The following CHRM3 variants were observed in gnomAD, a reference collection of about 807,000 sequenced individuals.
CHRM3 encodes muscarinic acetylcholine receptor M3.
In CHRM3, 11 loss-of-function variants were observed where a neutral mutation model predicts 41.8. That is an observed-to-expected ratio of 0.26 (90% CI 0.17 to 0.44). The LOEUF (loss-of-function observed/expected upper bound fraction) is 0.44, where lower values mean the gene tolerates loss of function less well. CHRM3 is among the 20% of genes least tolerant of loss of function. The pLI, the probability that CHRM3 is intolerant of heterozygous loss-of-function variation, is 1.00. For missense variants in CHRM3, 571 were observed against 745.4 expected (o/e 0.77, Z 2.72); for synonymous variants, 297 against 301.4 (o/e 0.99, Z 0.15).
rs1013215133 is a variant in CHRM3 at position 239,811,986 on chromosome 1, T to A, written c.-146-15266T>A. On this transcript the variant is annotated intron_variant, in intron 5 of 6. Coordinates refer to ENST00000676153, the MANE Select transcript of CHRM3 (RefSeq NM_001375978.1). ...AAGTCAGTGTTTAATTCATATCGATTTATGAGTTTATTCATTTGTTTAATA... is the reference window on the plus strand; with the variant it reads ...AAGTCAGTGTTTAATTCATATCGATATATGAGTTTATTCATTTGTTTAATA... Among the ~76,000 whole-genome samples, 2 of 152,212 alleles carry A rather than the reference T, an allele frequency of 1.3e-5. 1 individual carries two copies. Among genetic ancestry groups the A allele is most frequent in the East Asian group, 3.8e-4 (2 of 5,196 alleles).
At chr1:239,427,901 G>A (rs368385401) in intron 1 of CHRM3, among the ~76,000 whole-genome samples, 1 of 152,156 alleles carries the variant, frequency 6.6e-6, no homozygotes, top group Admixed American at 6.5e-5. Flanking sequence ...AGAGTCCAAA[G>A]AATTCCCAGC....
At chr1:239,567,675 T>G (rs1357421621) in intron 3 of CHRM3, among the ~76,000 whole-genome samples, 1 of 152,038 alleles carries the variant, frequency 6.6e-6, no homozygotes, top group East Asian at 1.9e-4. Flanking sequence ...TGTGTGAAGG[T>G]GAGTGTGTGG....
At chr1:239,603,418 C>T (rs536867120) in intron 3 of CHRM3, among the ~76,000 whole-genome samples, 3 of 152,216 alleles carry the variant, frequency 2.0e-5, no homozygotes, top group South Asian at 2.1e-4. Context: ...GGCAAGGTCA[C>T]GGATTCTGTG....
chr1:239,709,866 TA>T (rs1553370470), intron 5 of CHRM3, among the ~76,000 whole-genome samples: 2 of 152,204 alleles, frequency 1.3e-5, no homozygotes, highest in Admixed American at 6.5e-5. Flanking sequence ...TCAAGTGTTT[TA>T]AAAAAATTAA....
At position 239,910,374 on chromosome 1, in the gene CHRM3, G is replaced by A. The variant is rs1245688784; in HGVS notation, c.*1150G>A. The A allele has an allele frequency of 6.1e-6, 1 of 164,046 alleles. No homozygotes were observed. Among genetic ancestry groups the A allele is most frequent in the Non-Finnish European group, 1.5e-5 (1 of 67,580 alleles). 10.2% of individuals were successfully genotyped at this position (164,046 alleles called of 1,614,324 possible). A position where few individuals can be genotyped will look rare whatever the true frequency, so the allele number is the denominator to read the frequency against. ...AAAAACATGGTAAGAGAGAATGAAG[G>A]AGAACATTGTGTTTGATTCTTGCTG... On this transcript the variant is annotated 3_prime_UTR_variant, in exon 7 of 7. Transcript: ENST00000676153.
At chr1:239,676,432 T>G (rs1658011094) in intron 4 of CHRM3, among the ~76,000 whole-genome samples, 2 of 152,196 alleles carry the variant, frequency 1.3e-5, no homozygotes, top group Admixed American at 6.5e-5. Context: ...GTCTGCCCCA[T>G]GCTTGCATTT....
intron 5 of CHRM3, among the ~76,000 whole-genome samples, chr1:239,687,753 G>A (rs542062745): frequency 6.6e-6 from 1 of 152,164 alleles, no homozygotes; most frequent in East Asian, 1.9e-4. Context: ...TGTTTAGATA[G>A]CACAAATACC....
intron 2 of CHRM3, among the ~76,000 whole-genome samples, chr1:239,500,708 CACAA>C (rs1384374542): frequency 2.1e-5 from 3 of 142,476 alleles, no homozygotes; most frequent in Non-Finnish European, 4.7e-5. Context: ...GAAAAAAAAA[CACAA>C]ACAACAACAA....
intron 6 of CHRM3, among the ~76,000 whole-genome samples, chr1:239,857,014 T>C (rs561975754): frequency 2.6e-5 from 4 of 152,316 alleles, no homozygotes; most frequent in Non-Finnish European, 5.9e-5. Flanking sequence ...AGATGGCCAG[T>C]GAATACTTGT....
intron 1 of CHRM3, among the ~76,000 whole-genome samples, chr1:239,453,464 A>T (rs1664705699): frequency 6.6e-6 from 1 of 152,190 alleles, no homozygotes; most frequent in African/African-American, 2.4e-5. Context: ...ATGTCTATGA[A>T]AACATCTATG....
At chr1:239,502,005 A>G (rs1054229413) in intron 2 of CHRM3, among the ~76,000 whole-genome samples, 2 of 152,182 alleles carry the variant, frequency 1.3e-5, no homozygotes, top group African/African-American at 4.8e-5. Context: ...TTCTAAGGAC[A>G]CATCTCAGGT....
intron 1 of CHRM3, among the ~76,000 whole-genome samples, chr1:239,487,545 T>C (rs1265236346): frequency 6.6e-6 from 1 of 152,090 alleles, no homozygotes; most frequent in Non-Finnish European, 1.5e-5. Flanking sequence ...ACTTCAGACT[T>C]CACTGTGAGA....
intron 5 of CHRM3, among the ~76,000 whole-genome samples, chr1:239,775,184 A>C (rs2148757671): frequency 6.6e-6 from 1 of 152,312 alleles, no homozygotes; most frequent in East Asian, 1.9e-4. Context: ...ATTTTAAAAA[A>C]TCAGATTAGT....
At chr1:239,483,927 G>A (rs1667023222) in intron 1 of CHRM3, among the ~76,000 whole-genome samples, 1 of 152,050 alleles carries the variant, frequency 6.6e-6, no homozygotes, top group Non-Finnish European at 1.5e-5. Context: ...CCTTTCTCTT[G>A]GAAGCTTATT....
intron 1 of CHRM3, among the ~76,000 whole-genome samples, chr1:239,415,983 A>G (rs1661471184): frequency 6.6e-6 from 1 of 152,230 alleles, no homozygotes; most frequent in South Asian, 2.1e-4. Flanking sequence ...CTGAATATAC[A>G]CATGGTAGCA....
In CHRM3 at chr1:239,909,631, A is replaced by T. The variant is rs1191150207; in HGVS notation, c.*407A>T. 5.7e-6 allele frequency: 1 copy of T among 176,786 alleles called. No individual in the cohort carries two copies. Among genetic ancestry groups the T allele is most frequent in the Non-Finnish European group, 1.3e-5 (1 of 74,540 alleles). 11.0% of individuals were successfully genotyped at this position (176,786 alleles called of 1,614,324 possible). A position where few individuals can be genotyped will look rare whatever the true frequency, so the allele number is the denominator to read the frequency against. On this transcript the variant is annotated 3_prime_UTR_variant, in exon 7 of 7. Transcript: ENST00000676153. Reference sequence around the variant, plus strand: ...TCTTCCCAAGGATCCCAAAAGTGGGAATCCAGACCCCAAGTGGAACACTGC... The same window carrying T: ...TCTTCCCAAGGATCCCAAAAGTGGGTATCCAGACCCCAAGTGGAACACTGC...
At chr1:239,543,513 ATTTTTTT>A (rs71166879) in intron 2 of CHRM3, among the ~76,000 whole-genome samples, 2 of 145,178 alleles carry the variant, frequency 1.4e-5, no homozygotes, top group Admixed American at 1.4e-4. Flanking sequence ...GATTTATTTT[ATTTTTTT>A]TTTTTGTGAT....
intron 2 of CHRM3, among the ~76,000 whole-genome samples, chr1:239,518,346 A>G (rs763932396): frequency 5.3e-5 from 8 of 152,212 alleles, no homozygotes; most frequent in Non-Finnish European, 8.8e-5. Flanking sequence ...TCCAGCCTTC[A>G]CTTAACCCCG....
intron 1 of CHRM3, among the ~76,000 whole-genome samples, chr1:239,394,793 CT>C (rs139689556): frequency 0.024 from 3,623 of 152,264 alleles, 107 homozygotes; most frequent in African/African-American, 0.075. Context: ...CACTTCTGAT[CT>C]TTCTTCCACA....
Sources: gnomAD v4.1 joint callset for allele counts (sites outside exome capture counted in the v4.1 genomes callset) on GRCh38, gnomAD v4.1.1 for gene constraint, MANE v1.5 for transcripts, NCBI Gene and HGNC (gene_info 2026-07-23, HGNC 2026-07-21) for gene names.